The following MAPRE2 variants were observed in gnomAD, a reference collection of about 807,000 sequenced individuals.
MAPRE2 encodes microtubule associated protein RP/EB family member 2, also known as microtubule-associated protein RP/EB family member 2.
A neutral mutation model predicts 43.2 loss-of-function variants in MAPRE2; 13 were observed. That is an observed-to-expected ratio of 0.30 (90% confidence interval 0.20 to 0.48). The LOEUF (loss-of-function observed/expected upper bound fraction) is 0.48. MAPRE2 is among the 20% of genes least tolerant of loss of function. MAPRE2 has a pLI of 0.99. For missense variants in MAPRE2, 161 were observed against 400.2 expected (o/e 0.40, Z 5.10); for synonymous variants, 135 against 148.8 (o/e 0.91, Z 0.68).
intron 2 of MAPRE2, among the ~76,000 whole-genome samples, chr18:35,007,520 AACAG>A (rs1290154500): frequency 6.6e-6 from 1 of 152,166 alleles, no homozygotes; most frequent in East Asian, 1.9e-4. Context: ...GTAGTGTGAA[AACAG>A]ACAAAGATAA....
chr18:35,045,433 T>G lies in MAPRE2; in HGVS notation c.122+3772T>G, dbSNP rs75637754. ...GCATGCGACTACAGTAGCACATGTT[T>G]CTGAATACTTTAAAAAAAAAAATTA... On this transcript the variant is annotated intron_variant, in intron 1 of 6. Coordinates refer to ENST00000300249, the MANE Select transcript of MAPRE2 (RefSeq NM_014268.4). Among the ~76,000 whole-genome samples the G allele has an allele frequency of 2.2e-4, 29 of 132,850 alleles. No individual in the cohort carries two copies. The East Asian group carries it at 5.7e-3, about 26-fold the overall frequency. 87.2% of individuals were successfully genotyped at this position (132,850 alleles called of 152,430 possible). A position where few individuals can be genotyped will look rare whatever the true frequency, so the allele number is the denominator to read the frequency against.
At chr18:35,041,337 G>T, upstream of MAPRE2, 1 of 1,434,480 alleles carries the variant, frequency 7.0e-7, no homozygotes, top group Non-Finnish European at 9.1e-7. Context: ...ACGTGACCAG[G>T]GTGCTGCTGC....
intron 2 of MAPRE2, among the ~76,000 whole-genome samples, chr18:35,073,544 C>T (rs1309969817): frequency 2.0e-5 from 3 of 152,122 alleles, no homozygotes; most frequent in Non-Finnish European, 4.4e-5. Flanking sequence ...AATACTTTCT[C>T]ATATTTAAAA....
At chr18:35,059,354 C>T (rs1005117881) in intron 1 of MAPRE2, among the ~76,000 whole-genome samples, 1 of 152,106 alleles carries the variant, frequency 6.6e-6, no homozygotes, top group Non-Finnish European at 1.5e-5. Context: ...AAGACAGGGT[C>T]CTTTAATTCA....
chr18:35,005,498 G>C, exon 2 of MAPRE2: 2 of 1,535,760 alleles, frequency 1.3e-6, no homozygotes, highest in Non-Finnish European at 1.8e-6. Flanking sequence ...CCAGTGTCCT[G>C]TTTCCCAGAG....
At chr18:35,031,742 A>G (rs915548020) in intron 2 of MAPRE2, among the ~76,000 whole-genome samples, 4 of 152,186 alleles carry the variant, frequency 2.6e-5, no homozygotes, top group Admixed American at 2.6e-4. Flanking sequence ...TATGAGACTT[A>G]AAAATTCTGC....
rs1012966652 is a variant in MAPRE2 at position 35,109,973 on chromosome 18, C to G, written c.610+7814C>G. ...GAATTCTATTTTAATTTACTTACCG[C>G]CTTTTAAACTACACCTCTTTGCACT... On this transcript the variant is annotated intron_variant, in intron 4 of 6. Transcript: ENST00000300249. Among the ~76,000 whole-genome samples, 8 of 152,070 alleles carry G rather than the reference C, an allele frequency of 5.3e-5. No homozygotes were observed. In the South Asian group the frequency reaches 1.0e-3, roughly 20 times the overall value.
chr18:34,993,992 C>CTTT (rs11301716), intron 1 of MAPRE2, among the ~76,000 whole-genome samples: 7 of 120,026 alleles, frequency 5.8e-5, no homozygotes, highest in South Asian at 2.7e-4. Flanking sequence ...CATGGATTTT[C>CTTT]TTTTTTTTTT....
chr18:35,126,944 T>C lies in MAPRE2; in HGVS notation c.611-4T>C. 1.2e-6 allele frequency: 2 copies of C among 1,613,576 alleles called. No individual in the cohort carries two copies. The highest frequency in any genetic ancestry group is 8.5e-7 in the Non-Finnish European group (1 of 1,179,710). ...TATTTATCATTTATTCTGATTGCTTTCAGGTGCAGCTAAATCAAGTCCAGC... is the reference window on the plus strand; with the variant it reads ...TATTTATCATTTATTCTGATTGCTTCCAGGTGCAGCTAAATCAAGTCCAGC... On this transcript the variant is annotated splice_polypyrimidine_tract_variant and splice_region_variant and intron_variant, in intron 4 of 6. Transcript: ENST00000300249.
At chr18:35,109,956 T>C (rs572929850) in intron 4 of MAPRE2, among the ~76,000 whole-genome samples, 2 of 152,304 alleles carry the variant, frequency 1.3e-5, no homozygotes, top group South Asian at 4.1e-4. Flanking sequence ...TAGAATTCTA[T>C]TTTAATTTAC....
At chr18:34,990,754 C>T (rs2083241431) in intron 1 of MAPRE2, among the ~76,000 whole-genome samples, 1 of 152,138 alleles carries the variant, frequency 6.6e-6, no homozygotes, top group African/African-American at 2.4e-5. Flanking sequence ...GGCATGGTGA[C>T]TCATGCCTAT....
intron 2 of MAPRE2, among the ~76,000 whole-genome samples, chr18:35,029,120 A>G (rs2097046616): frequency 6.6e-6 from 1 of 150,872 alleles, no homozygotes; most frequent in African/African-American, 2.5e-5. Context: ...GCACTTGAGG[A>G]AACAAAACAT....
chr18:34,985,439 T>C (rs1233540442), intron 1 of MAPRE2, among the ~76,000 whole-genome samples: 1 of 49,944 alleles, frequency 2.0e-5, no homozygotes, highest in Non-Finnish European at 3.3e-5. Flanking sequence ...ATATTATATA[T>C]TATATTTATA....
intron 6 of MAPRE2, among the ~76,000 whole-genome samples, chr18:35,134,613 G>C (rs891568319): frequency 5.3e-5 from 8 of 152,222 alleles, no homozygotes; most frequent in Admixed American, 1.3e-4. Flanking sequence ...CATAGTACTA[G>C]TTGGGGAAAG....
rs368590945 is a variant in MAPRE2, at chr18:35,017,519, A to G, written c.-8+11966A>G. Among the ~76,000 whole-genome samples, 18 of 148,774 alleles carry G rather than the reference A, an allele frequency of 1.2e-4. 1 individual carries two copies. Among genetic ancestry groups the G allele is most frequent in the Admixed American group, 4.7e-4 (7 of 14,986 alleles). On this transcript the variant is annotated intron_variant, in intron 2 of 7. Coordinates refer to the MAPRE2 transcript ENST00000413393. ...TAGTACTCCTTGTAGAGATCTTTCA[A>G]CTTCTTGTTTAGATGTATCCCTAGG... is the stretch of plus-strand genomic sequence containing the variant.
At chr18:35,055,565 A>ATGTGTGTGTG (rs35542955) in intron 1 of MAPRE2, among the ~76,000 whole-genome samples, 1 of 72,498 alleles carries the variant, frequency 1.4e-5, no homozygotes, top group Non-Finnish European at 3.3e-5. Flanking sequence ...GTGTGTGTGT[A>ATGTGTGTGTG]TGTGTGTGTG....
At chr18:35,063,264 T>C (rs747102941) in intron 1 of MAPRE2, among the ~76,000 whole-genome samples, 44 of 152,160 alleles carry the variant, frequency 2.9e-4, no homozygotes, top group East Asian at 1.4e-3. Context: ...CCACCACGCC[T>C]GGCTAATTTT....
intron 1 of MAPRE2, among the ~76,000 whole-genome samples, chr18:34,985,758 TAAA>T (rs2097020651): frequency 1.5e-5 from 2 of 135,490 alleles, no homozygotes; most frequent in Admixed American, 1.7e-4. Flanking sequence ...ATGTAATATA[TAAA>T]ATATATTACA....
intron 4 of MAPRE2, among the ~76,000 whole-genome samples, chr18:35,109,662 T>C (rs1448766092): frequency 6.6e-6 from 1 of 152,150 alleles, no homozygotes; most frequent in African/African-American, 2.4e-5. Context: ...ATATGCTTAC[T>C]GTTGCATGGC....
Sources: gnomAD v4.1 joint callset for allele counts (sites outside exome capture counted in the v4.1 genomes callset) on GRCh38, gnomAD v4.1.1 for gene constraint, MANE v1.5 for transcripts, NCBI Gene and HGNC (gene_info 2026-07-23, HGNC 2026-07-21) for gene names.